MYCBP2: variants seen among roughly 807,000 people sequenced by gnomAD.
MYCBP2 encodes MYC binding protein 2.
In MYCBP2, 120 loss-of-function variants were observed where a neutral mutation model predicts 525.3. The observed-to-expected ratio is 0.23, with a 90% CI of 0.20 to 0.27. The LOEUF (loss-of-function observed/expected upper bound fraction) is 0.27, where lower values mean the gene tolerates loss of function less well. MYCBP2 is among the 10% of genes least tolerant of loss of function. MYCBP2 has a pLI of 1.00. For missense variants in MYCBP2, 4,149 were observed against 5,657.1 expected (o/e 0.73, Z 8.55); for synonymous variants, 1,894 against 1,955.8 (o/e 0.97, Z 0.83).
At chr13:77,297,483 G>A (rs997793763) in intron 1 of MYCBP2, among the ~76,000 whole-genome samples, 2 of 152,090 alleles carry the variant, frequency 1.3e-5, no homozygotes, top group African/African-American at 4.8e-5. Context: ...GGGAATGCAG[G>A]GAGAACGAAG....
At chr13:77,135,179 T>C (rs9318463) in intron 52 of MYCBP2, among the ~76,000 whole-genome samples, 86,939 of 152,064 alleles carry the variant, frequency 0.57, 28,297 homozygotes, top group Non-Finnish European at 0.73. Flanking sequence ...GTACTTTCAC[T>C]TCTTTTTAAG....
At chr13:77,156,366 A>C (rs952820792) in intron 45 of MYCBP2, among the ~76,000 whole-genome samples, 164 bp from the exon 46 acceptor site, 5 of 152,224 alleles carry the variant, frequency 3.3e-5, no homozygotes, top group Non-Finnish European at 1.5e-5. Flanking sequence ...TCCCTCAGAA[A>C]CTGTTAAGGA....
At chr13:77,096,200 A>G (rs772659804) in intron 57 of MYCBP2, 112 bp downstream of exon 57, 3 of 1,098,046 alleles carry the variant, frequency 2.7e-6, no homozygotes, top group Non-Finnish European at 3.8e-6. Flanking sequence ...ATAAAAGCTG[A>G]TCTTTTAATA....
rs1295976399 is a variant in MYCBP2, at chr13:77,248,295, T to TTGAAAAGACAACATCAACAGAG, written c.2381+2834_2381+2855dup. Among the ~76,000 whole-genome samples the TTGAAAAGACAACATCAACAGAG allele has an allele frequency of 9.9e-5, 15 of 152,202 alleles. 1 individual carries two copies. The East Asian group carries it at 2.9e-3, about 29-fold the overall frequency. On this transcript the variant is annotated intron_variant, in intron 15 of 82. Transcript: ENST00000544440. ...CATGAAAATTTTAAAAATTTTCTGCTTGAAAAGACAACATCAACAGAGTAA... is the reference window on the plus strand; with the variant it reads ...CATGAAAATTTTAAAAATTTTCTGCTTGAAAAGACAACATCAACAGAGTGAAAAGACAACATCAACAGAGTAA...
At chr13:77,153,036 G>A (rs1455531488) in intron 46 of MYCBP2, among the ~76,000 whole-genome samples, 2 of 135,572 alleles carry the variant, frequency 1.5e-5, no homozygotes, top group Non-Finnish European at 3.0e-5. Flanking sequence ...CTGTACTCCA[G>A]CCTGGGCGAC....
chr13:77,062,126 TTAA>T (rs2039405791), intron 74 of MYCBP2, among the ~76,000 whole-genome samples: 1 of 152,184 alleles, frequency 6.6e-6, no homozygotes, highest in East Asian at 1.9e-4. Flanking sequence ...AACTTGAACA[TTAA>T]TAAGAAAATG....
chr13:77,111,647 C>A (rs17067209), intron 55 of MYCBP2, among the ~76,000 whole-genome samples: 1,580 of 151,734 alleles, frequency 0.01, 25 homozygotes, highest in African/African-American at 0.036. Flanking sequence ...TGGTCCTAAG[C>A]ATTTTACTGC....
intron 29 of MYCBP2, 53 bp downstream of exon 29, chr13:77,190,199 T>C (rs2061165092): frequency 8.2e-7 from 1 of 1,220,202 alleles, no homozygotes; most frequent in African/African-American, 1.5e-5. Flanking sequence ...TGATTCTACT[T>C]CATTATAGCA....
chr13:77,093,357 T>G (rs1224049937), intron 58 of MYCBP2, 25 bp from the exon 59 acceptor site: 1 of 1,607,678 alleles, frequency 6.2e-7, no homozygotes, highest in Admixed American at 1.7e-5. Context: ...ACCCAATAAC[T>G]TAAAGCATGA....
chr13:77,248,262 C>T (rs554285352), intron 15 of MYCBP2, among the ~76,000 whole-genome samples: 1 of 151,654 alleles, frequency 6.6e-6, no homozygotes, highest in Admixed American at 6.6e-5. Flanking sequence ...CAATAGACAA[C>T]TGGACTTCAT....
At chr13:77,263,837 T>C in intron 9 of MYCBP2, 48 bp from the exon 10 acceptor site, 1 of 1,610,842 alleles carries the variant, frequency 6.2e-7, no homozygotes, top group Non-Finnish European at 8.5e-7. Flanking sequence ...AAAGAGGTCG[T>C]TCAAGGCTCT....
intron 23 of MYCBP2, among the ~76,000 whole-genome samples, chr13:77,209,440 G>T (rs889923919): frequency 6.6e-6 from 1 of 152,180 alleles, no homozygotes; most frequent in African/African-American, 2.4e-5. Context: ...CTACAAAACA[G>T]TAAAACATCA....
intron 3 of MYCBP2, among the ~76,000 whole-genome samples, chr13:77,280,133 C>T (rs982291658): frequency 1.5e-4 from 23 of 152,204 alleles, no homozygotes; most frequent in Admixed American, 1.5e-3. Context: ...AGCAAGTCGG[C>T]TGAAGGTAAG....
At position 77,326,771 on chromosome 13, in the gene MYCBP2, A is replaced by C. The variant is rs2082369233; in HGVS notation, c.5T>G (p.Met2Arg). ...GGGGGAGGCAGTCGCTGCGCACATC[A>C]TCATCCTCGCCGCCGCCGCCGCCGC... M[M>R]MCAATASPAA... The change falls in exon 1 of 83, where the codon ATG becomes AGG. Residue 2 changes from methionine to arginine, a missense_variant. Coordinates refer to ENST00000544440, the MANE Select transcript of MYCBP2 (RefSeq NM_015057.5). The surrounding 1 kb of genome is among the most constrained non-coding windows in gnomAD (Gnocchi z 4.2). 1 of 1,408,532 alleles carries C rather than the reference A, an allele frequency of 7.1e-7. No homozygotes were observed. The allele number at this position is 1,408,532 out of a possible 1,614,324, so 87.3% of individuals were successfully genotyped here.
rs1383470215 is a variant in MYCBP2, at chr13:77,121,247, C to T, written c.8140+126G>A. 191 of 897,854 alleles carry T rather than the reference C, an allele frequency of 2.1e-4. 1 individual carries two copies. Among genetic ancestry groups the T allele is most frequent in the Non-Finnish European group, 7.5e-6 (5 of 666,556 alleles). 55.6% of individuals were successfully genotyped at this position (897,854 alleles called of 1,614,324 possible). A position where few individuals can be genotyped will look rare whatever the true frequency, so the allele number is the denominator to read the frequency against. On this transcript the variant is annotated intron_variant, in intron 55 of 82. Coordinates refer to ENST00000544440, the MANE Select transcript of MYCBP2 (RefSeq NM_015057.5). ...CACCTTTGTAAACATTTTTTATTAG[C>T]TTTCCATGAACAAATTTTAATTTAA...
At chr13:77,144,107 T>C (rs1384874897) in intron 49 of MYCBP2, 3 of 270,146 alleles carry the variant, frequency 1.1e-5, no homozygotes, top group African/African-American at 2.2e-5. Flanking sequence ...GATCCAAACA[T>C]GAATGCTTTC....
intron 1 of MYCBP2, among the ~76,000 whole-genome samples, chr13:77,301,685 G>C (rs2078829355): frequency 6.6e-6 from 1 of 152,058 alleles, no homozygotes; most frequent in Non-Finnish European, 1.5e-5. Context: ...CACATTAAGG[G>C]ACATCAAAAG....
In MYCBP2 at chr13:77,121,558, AAG is replaced by A. The variant is rs879130655; in HGVS notation, c.8018-65_8018-64del. 4.3e-5 allele frequency: 59 copies of A among 1,379,882 alleles called. No individual in the cohort carries two copies. The South Asian group carries it at 7.9e-4, about 19-fold the overall frequency. The allele number at this position is 1,379,882 out of a possible 1,614,324, so 85.5% of individuals were successfully genotyped here. A position where few individuals can be genotyped will look rare whatever the true frequency, so the allele number is the denominator to read the frequency against. The stretch of plus-strand genomic sequence containing the variant: ...CGTGCTATTCCCTATTCATACAACA[AAG>A]AGAGAAAATTGCAAAAGATTTTATG... On this transcript the variant is annotated intron_variant, in intron 54 of 82. Transcript: ENST00000544440.
Position 77,088,863 on chromosome 13 carries a change from C to T in MYCBP2, c.10694G>A (p.Arg3565Lys), listed in dbSNP as rs1262265383. The T allele has an allele frequency of 6.2e-7, 1 of 1,612,682 alleles. No individual in the cohort carries two copies. Among genetic ancestry groups the T allele is most frequent in the East Asian group, 2.2e-5 (1 of 44,806 alleles). The change falls in exon 61 of 83, where the codon AGG becomes AAG. Residue 3565 changes from arginine (R) to lysine (K), a missense_variant. Physicochemically the swap from Arg to Lys is conservative, Grantham distance 26. Transcript: ENST00000544440. ...GLEIAMKQAL[R>K]KSACRVFAME... ...AGCAAAAACTCGACAAGCAGATTTC[C>T]TTAGGGCCTGTTTCATTGCTATTTC...
Sources: allele counts gnomAD v4.1 joint callset (sites outside exome capture counted in the v4.1 genomes callset), GRCh38; gene constraint gnomAD v4.1.1; non-coding constraint Gnocchi (gnomAD v3.1); transcripts MANE v1.5; gene names NCBI Gene and HGNC (gene_info 2026-07-23, HGNC 2026-07-21).